Variants in RABEPK observed in about 807,000 individuals in gnomAD.
RABEPK encodes 40 kDa Rab9 effector protein.
A neutral mutation model predicts 34.1 loss-of-function variants in RABEPK; 27 were observed. That is an observed-to-expected ratio of 0.79 (90% CI 0.58 to 1.09). The LOEUF (loss-of-function observed/expected upper bound fraction) is 1.09. RABEPK is among the 50% of genes least tolerant of loss of function. The pLI, the probability that RABEPK is intolerant of heterozygous loss-of-function variation, is 0.00. For synonymous variants in RABEPK, 172 were observed against 169.2 expected, an observed-to-expected ratio of 1.02 and a Z score of -0.13; for missense variants, 449 against 462.6, an observed-to-expected ratio of 0.97 and a Z score of 0.27.
In RABEPK at chr9:125,216,995, A is replaced by G. The variant is rs117800311; in HGVS notation, c.364+3473A>G. Among the ~76,000 whole-genome samples the G allele has an allele frequency of 7.0e-3, 1,057 of 151,792 alleles. 6 individuals are homozygous for G. Among genetic ancestry groups the G allele is most frequent in the Non-Finnish European group, 0.011 (758 of 67,946 alleles). On this transcript the variant is annotated intron_variant, in intron 4 of 7. Transcript: ENST00000373538. ...AAAAAAAAAAAAAGAAGAAAGTGAT[A>G]GAGTAGACACTTGGCAGACCATTTG...
chr9:125,208,372 T>C (rs974393389), intron 3 of RABEPK, among the ~76,000 whole-genome samples: 12 of 152,154 alleles, frequency 7.9e-5, no homozygotes, highest in African/African-American at 2.4e-4. Flanking sequence ...TTTCTTTGTT[T>C]TTTGTTTTTG....
At position 125,200,645 on chromosome 9, in the gene RABEPK, G is replaced by A; in HGVS notation, c.-268G>A. On this transcript the variant is annotated 5_prime_UTR_variant, in exon 1 of 8. Transcript: ENST00000373538. ...GATACCGGGTCTATCACGGTCTCGG[G>A]CAGGGAGTCTGAATCTTTTAGGGGA... 2.1e-6 allele frequency: 1 copy of A among 470,432 alleles called. No individual in the cohort carries two copies. Among genetic ancestry groups the A allele is most frequent in the Non-Finnish European group, 4.4e-6 (1 of 226,472 alleles). 29.1% of individuals were successfully genotyped at this position (470,432 alleles called of 1,614,324 possible).
chr9:125,234,056 A>G lies in RABEPK; in HGVS notation c.*76A>G. The stretch of plus-strand genomic sequence containing the variant: ...AAACATTAGCTGTTTTATACCTCCA[A>G]AATATCTTCTGCATTATATATCTGT... On this transcript the variant is annotated 3_prime_UTR_variant, in exon 8 of 8. Coordinates refer to ENST00000373538, the MANE Select transcript of RABEPK (RefSeq NM_005833.4). 2 of 1,340,390 alleles carry G rather than the reference A, an allele frequency of 1.5e-6. No individual in the cohort carries two copies. Among genetic ancestry groups the G allele is most frequent in the Non-Finnish European group, 2.1e-6 (2 of 967,672 alleles). The allele number at this position is 1,340,390 out of a possible 1,614,324, so 83.0% of individuals were successfully genotyped here. A position where few individuals can be genotyped will look rare whatever the true frequency, so the allele number is the denominator to read the frequency against.
At chr9:125,204,382 G>T (rs1830089279) in intron 2 of RABEPK, among the ~76,000 whole-genome samples, 2 of 152,152 alleles carry the variant, frequency 1.3e-5, no homozygotes, top group Non-Finnish European at 2.9e-5. Flanking sequence ...AGGAGTTTGA[G>T]ACCAGTCTGG....
chr9:125,229,422 C>T (rs1236915772), intron 6 of RABEPK, among the ~76,000 whole-genome samples: 1 of 152,156 alleles, frequency 6.6e-6, no homozygotes, highest in Non-Finnish European at 1.5e-5. Flanking sequence ...CAGAGTGAGA[C>T]TCCGTCTCAA....
chr9:125,214,836 G>C (rs1272433681), intron 4 of RABEPK, among the ~76,000 whole-genome samples: 3 of 150,060 alleles, frequency 2.0e-5, no homozygotes, highest in African/African-American at 4.9e-5. Context: ...TGTTGCACAG[G>C]CTGGAGTGCA....
At chr9:125,227,823 T>A in intron 5 of RABEPK, 87 bp from the exon 6 acceptor site, 1 of 1,319,142 alleles carries the variant, frequency 7.6e-7, no homozygotes, top group Non-Finnish European at 1.0e-6. Context: ...CTCCGCTTGC[T>A]AGGAGGTGCT....
chr9:125,227,420 C>CT (rs1017314506), intron 5 of RABEPK, among the ~76,000 whole-genome samples: 40 of 147,918 alleles, frequency 2.7e-4, no homozygotes, highest in African/African-American at 6.9e-4. Context: ...CTCTGTAGGA[C>CT]TTTTTTTTTT....
intron 4 of RABEPK, among the ~76,000 whole-genome samples, chr9:125,216,058 T>G (rs1830910198): frequency 6.6e-6 from 1 of 152,144 alleles, no homozygotes; most frequent in Non-Finnish European, 1.5e-5. Context: ...TTTGGGAGGC[T>G]GAGGTGTACA....
intron 5 of RABEPK, among the ~76,000 whole-genome samples, chr9:125,223,031 C>T (rs1465235033): frequency 1.3e-5 from 2 of 152,068 alleles, no homozygotes; most frequent in Non-Finnish European, 2.9e-5. Context: ...CCTGTAATCC[C>T]AGCACTTTGG....
intron 1 of RABEPK, 60 bp from the exon 2 acceptor site, chr9:125,202,948 T>G: frequency 7.2e-7 from 1 of 1,383,424 alleles, no homozygotes; most frequent in Non-Finnish European, 1.0e-6. Flanking sequence ...AAAAGGAGGT[T>G]GAATTGATTA....
At chr9:125,212,073 C>A (rs542314959) in intron 3 of RABEPK, among the ~76,000 whole-genome samples, 2 of 152,144 alleles carry the variant, frequency 1.3e-5, no homozygotes, top group Non-Finnish European at 2.9e-5. Context: ...AGCTTTGTGA[C>A]CCTGGCTACA....
intron 5 of RABEPK, among the ~76,000 whole-genome samples, chr9:125,224,943 C>T (rs1243745920): frequency 6.6e-6 from 1 of 152,046 alleles, no homozygotes. Context: ...GTTTTTTTCC[C>T]CAACCCCTTC....
At chr9:125,211,194 G>A (rs12380310) in intron 3 of RABEPK, among the ~76,000 whole-genome samples, 33,630 of 150,416 alleles carry the variant, frequency 0.22, 4,456 homozygotes, top group Non-Finnish European at 0.3. Flanking sequence ...CCGAGATCGC[G>A]CCACTGCACT....
intron 2 of RABEPK, among the ~76,000 whole-genome samples, chr9:125,205,299 T>G (rs1257119645): frequency 6.6e-6 from 1 of 152,234 alleles, no homozygotes; most frequent in African/African-American, 2.4e-5. Context: ...GTGAAACAGA[T>G]AGTTGTGAAA....
chr9:125,231,579 G>T (rs1041075176), intron 6 of RABEPK, among the ~76,000 whole-genome samples: 2 of 152,050 alleles, frequency 1.3e-5, no homozygotes, highest in African/African-American at 4.8e-5. Flanking sequence ...GAGGTGGGTG[G>T]ATCACGAGGT....
intron 4 of RABEPK, among the ~76,000 whole-genome samples, chr9:125,217,446 G>A (rs1031003108): frequency 6.6e-6 from 1 of 151,696 alleles, no homozygotes; most frequent in African/African-American, 2.4e-5. Context: ...TGTTGCCAAG[G>A]CTGGAGTGCA....
chr9:125,209,477 A>G (rs1830453520), intron 3 of RABEPK, among the ~76,000 whole-genome samples: 1 of 151,660 alleles, frequency 6.6e-6, no homozygotes, highest in Non-Finnish European at 1.5e-5. Context: ...AGCCTCCTGA[A>G]TAGCTGGGAT....
At chr9:125,206,095 C>T (rs1830207906) in intron 2 of RABEPK, among the ~76,000 whole-genome samples, 1 of 152,036 alleles carries the variant, frequency 6.6e-6, no homozygotes, top group African/African-American at 2.4e-5. Flanking sequence ...GAGGAGAGGT[C>T]AGGAGTCTCA....
Sources: allele counts gnomAD v4.1 joint callset (sites outside exome capture counted in the v4.1 genomes callset), GRCh38; gene constraint gnomAD v4.1.1; transcripts MANE v1.5; gene names NCBI Gene and HGNC (gene_info 2026-07-23, HGNC 2026-07-21).